PIK3C2A: variants seen among roughly 807,000 people sequenced by gnomAD.
PIK3C2A encodes phosphatidylinositol 4-phosphate 3-kinase C2 domain-containing subunit alpha.
Under a neutral mutation model 204.5 loss-of-function variants are expected in PIK3C2A, and 97 were observed. The observed-to-expected ratio is 0.47, with a 90% CI of 0.40 to 0.56. The LOEUF (loss-of-function observed/expected upper bound fraction) is 0.56, where lower values mean the gene tolerates loss of function less well. Ranked by LOEUF, PIK3C2A falls within the 20% of genes least tolerant of loss-of-function variation. The probability of loss-of-function intolerance (pLI) is 0.00; values close to 1 mark genes in which losing one functional copy is unlikely to be tolerated. For synonymous variants in PIK3C2A, 653 were observed against 664.4 expected, an observed-to-expected ratio of 0.98 and a Z score of 0.26; for missense variants, 1,735 against 1,969.2, an observed-to-expected ratio of 0.88 and a Z score of 2.25.
At chr11:17,119,190 T>C (rs1849296541) in intron 17 of PIK3C2A, 30 bp downstream of exon 17, 1 of 1,185,952 alleles carries the variant, frequency 8.4e-7, no homozygotes, top group Non-Finnish European at 1.3e-6. Flanking sequence ...AGTGAAAGTA[T>C]AAAGGGAGGT....
At chr11:17,154,738 A>G (rs1183363770) in intron 3 of PIK3C2A, among the ~76,000 whole-genome samples, 1 of 152,186 alleles carries the variant, frequency 6.6e-6, no homozygotes, top group Non-Finnish European at 1.5e-5. Context: ...GAAGGAAAGG[A>G]AATGGAGTGG....
intron 1 of PIK3C2A, among the ~76,000 whole-genome samples, chr11:17,178,177 CAT>C (rs1404363019): frequency 4.2e-5 from 6 of 143,738 alleles, no homozygotes; most frequent in African/African-American, 2.6e-5. Context: ...TGAAAAAAGA[CAT>C]ATTTAATCTA....
At chr11:17,186,216 TAA>T (rs1028115463) in intron 1 of PIK3C2A, among the ~76,000 whole-genome samples, 34 of 152,274 alleles carry the variant, frequency 2.2e-4, no homozygotes, top group African/African-American at 8.2e-4. Context: ...GACACTTGTG[TAA>T]AGTCCTCCCT....
At chr11:17,094,023 A>G (rs945878133) in intron 28 of PIK3C2A, among the ~76,000 whole-genome samples, 2 of 152,224 alleles carry the variant, frequency 1.3e-5, no homozygotes, top group East Asian at 3.8e-4. Context: ...TAAAGCTTCA[A>G]TAAGAGTTAG....
chr11:17,122,605 T>C, intron 14 of PIK3C2A, 97 bp downstream of exon 14: 1 of 678,586 alleles, frequency 1.5e-6, no homozygotes, highest in South Asian at 1.7e-5. Context: ...ACAAGATCAG[T>C]TAGGTTTCTT....
chr11:17,141,113 A>G (rs1435456697), intron 8 of PIK3C2A, among the ~76,000 whole-genome samples: 1 of 152,190 alleles, frequency 6.6e-6, no homozygotes, highest in Non-Finnish European at 1.5e-5. Flanking sequence ...TGAAGCTACA[A>G]TTAGGGCTTT....
At position 17,128,034 on chromosome 11, in the gene PIK3C2A, C is replaced by T. The variant is rs117262789; in HGVS notation, c.2399+1266G>A. ...TTAATCTCTGTACTTTGATTCCCCCCACTCCGTAAAAAGGGATAAAATCAC... is the reference window on the plus strand; with the variant it reads ...TTAATCTCTGTACTTTGATTCCCCCTACTCCGTAAAAAGGGATAAAATCAC... On this transcript the variant is annotated intron_variant, in intron 13 of 32. Transcript: ENST00000691414. Among the ~76,000 whole-genome samples, 257 of 152,204 alleles carry T rather than the reference C, an allele frequency of 1.7e-3. 1 individual carries two copies. Among genetic ancestry groups the T allele is most frequent in the Non-Finnish European group, 2.7e-3 (186 of 68,012 alleles).
chr11:17,100,461 A>G (rs1204315953), intron 25 of PIK3C2A, among the ~76,000 whole-genome samples: 2 of 152,070 alleles, frequency 1.3e-5, no homozygotes, highest in Non-Finnish European at 2.9e-5. Context: ...ACCTCAAGCA[A>G]TCCGCCTGCC....
chr11:17,088,120 AT>A lies in PIK3C2A; in HGVS notation c.*1617del, dbSNP rs1245996293. Reference sequence around the variant, plus strand: ...TTCTCACAGCAACCTGATTGGTACAATTTCTATTACCATTTTTAAAGTATCT... The same window carrying A: ...TTCTCACAGCAACCTGATTGGTACAATTCTATTACCATTTTTAAAGTATCT... On this transcript the variant is annotated 3_prime_UTR_variant, in exon 33 of 33. Transcript: ENST00000691414. 1 of 152,136 alleles carries A rather than the reference AT, an allele frequency of 6.6e-6. No homozygotes were observed. The highest frequency in any genetic ancestry group is 2.4e-5 in the African/African-American group (1 of 41,428). The allele number at this position is 152,136 out of a possible 1,614,324, so 9.4% of individuals were successfully genotyped here.
chr11:17,163,339 G>C (rs1317807742), intron 2 of PIK3C2A, among the ~76,000 whole-genome samples: 3 of 152,038 alleles, frequency 2.0e-5, no homozygotes, highest in Non-Finnish European at 4.4e-5. Context: ...CAAACAAATA[G>C]GACTTGTTTA....
At chr11:17,097,606 AT>A (rs920864395) in intron 26 of PIK3C2A, among the ~76,000 whole-genome samples, 3 of 152,208 alleles carry the variant, frequency 2.0e-5, no homozygotes, top group Non-Finnish European at 2.9e-5. Flanking sequence ...AAGATGACAA[AT>A]AGGTGGGAAA....
At chr11:17,111,900 A>T (rs1849015111) in intron 21 of PIK3C2A, among the ~76,000 whole-genome samples, 1 of 150,826 alleles carries the variant, frequency 6.6e-6, no homozygotes, top group African/African-American at 2.4e-5. Flanking sequence ...AAAAAAAAAA[A>T]ATTCAAAAAA....
chr11:17,133,877 G>A (rs760088396), intron 11 of PIK3C2A, among the ~76,000 whole-genome samples: 20 of 151,310 alleles, frequency 1.3e-4, no homozygotes, highest in East Asian at 2.0e-4. Flanking sequence ...GCAGTGAGCC[G>A]AGATCACGCC....
intron 1 of PIK3C2A, among the ~76,000 whole-genome samples, chr11:17,191,273 T>C (rs886662441): frequency 6.6e-6 from 1 of 151,360 alleles, no homozygotes; most frequent in Non-Finnish European, 1.5e-5. Context: ...CTGGCCAGGG[T>C]TGGCCAACCA....
Position 17,130,747 on chromosome 11 carries a change from C to T in PIK3C2A, c.2231+1169G>A, listed in dbSNP as rs190340954. On this transcript the variant is annotated intron_variant, in intron 12 of 32. Transcript: ENST00000691414. ...ACTTGAACCCGGGAAGCTGAGGTTACAGTGGGCCAAGATTGCACCACTGCA... is the reference window on the plus strand; with the variant it reads ...ACTTGAACCCGGGAAGCTGAGGTTATAGTGGGCCAAGATTGCACCACTGCA... 5.0e-3 allele frequency among the ~76,000 whole-genome samples: 712 copies of T among 142,508 alleles called. 11 individuals carry two copies. The highest frequency in any genetic ancestry group is 0.018 in the African/African-American group (678 of 38,012). 93.5% of individuals were successfully genotyped at this position (142,508 alleles called of 152,430 possible).
intron 13 of PIK3C2A, among the ~76,000 whole-genome samples, chr11:17,123,701 G>T (rs1223481812): frequency 6.6e-6 from 1 of 151,996 alleles, no homozygotes; most frequent in Non-Finnish European, 1.5e-5. Context: ...GTTCAAATTT[G>T]CCATGAACAA....
Position 17,105,256 on chromosome 11 carries a change from C to T in PIK3C2A, c.3594G>A (p.Val1198=), listed in dbSNP as rs759253832. The T allele has an allele frequency of 2.0e-5, 33 of 1,610,518 alleles. No homozygotes were observed. The highest frequency in any genetic ancestry group is 2.7e-5 in the African/African-American group (2 of 74,740). ...PASDTLRKIQ[V]EYGVTGSFKD... is the part of the protein sequence containing the mutation. ...TAAAGGATCCTGTCACACCATATTC[C>T]ACTTGGATTTTCCTGAGGGTATCGG... The change falls in exon 23 of 33, where the codon GTG becomes GTA. Residue 1198 remains valine, a synonymous_variant. Transcript: ENST00000691414.
At chr11:17,094,791 G>A (rs569645924) in intron 27 of PIK3C2A, among the ~76,000 whole-genome samples, 2 of 152,264 alleles carry the variant, frequency 1.3e-5, no homozygotes, top group South Asian at 4.1e-4. Flanking sequence ...TTTCCTGACA[G>A]AAAAGAAATT....
intron 8 of PIK3C2A, among the ~76,000 whole-genome samples, chr11:17,144,787 T>TC: frequency 6.8e-6 from 1 of 147,114 alleles, no homozygotes; most frequent in Non-Finnish European, 1.5e-5. Context: ...TCCCAGCTAC[T>TC]CAGGAGGCTG....
Sources: allele counts gnomAD v4.1 joint callset (sites outside exome capture counted in the v4.1 genomes callset), GRCh38; gene constraint gnomAD v4.1.1; transcripts MANE v1.5; gene names NCBI Gene and HGNC (gene_info 2026-07-23, HGNC 2026-07-21).